Variants in ZBTB20 observed in about 807,000 individuals in gnomAD.
ZBTB20 encodes the protein zinc finger and BTB domain-containing protein 20.
A neutral mutation model predicts 56.9 loss-of-function variants in ZBTB20; 9 were observed. That is an observed-to-expected ratio of 0.16 (90% confidence interval 0.10 to 0.28). The LOEUF is 0.28. Among genes scored for constraint, ZBTB20 ranks in the 10% least tolerant of loss-of-function variants. The probability of loss-of-function intolerance (pLI) is 1.00; values close to 1 mark genes in which losing one functional copy is unlikely to be tolerated. For synonymous variants in ZBTB20, 417 were observed against 420.7 expected (o/e 0.99, Z 0.11); for missense variants, 655 against 1,003.0 (o/e 0.65, Z 4.69).
chr3:114,756,789 G>A (rs1047478936), intron 5 of ZBTB20, among the ~76,000 whole-genome samples: 4 of 152,054 alleles, frequency 2.6e-5, no homozygotes, highest in Non-Finnish European at 5.9e-5. Context: ...CTCTAATTGA[G>A]TATTAGACAT....
intron 4 of ZBTB20, among the ~76,000 whole-genome samples, chr3:114,889,303 C>T (rs1576237000): frequency 1.3e-5 from 2 of 151,828 alleles, no homozygotes; most frequent in East Asian, 3.9e-4. Flanking sequence ...TAGAAAACTG[C>T]AAATATCAAA....
intron 5 of ZBTB20, among the ~76,000 whole-genome samples, chr3:114,714,708 T>A (rs756765622): frequency 1.3e-5 from 2 of 152,208 alleles, no homozygotes; most frequent in Non-Finnish European, 2.9e-5. Flanking sequence ...CCTAAAAATA[T>A]CAACAACTGC....
rs147895898 is a variant in ZBTB20, at chr3:114,496,220, T to C, written c.-255+4132A>G. Among the ~76,000 whole-genome samples, 383 of 152,328 alleles carry C rather than the reference T, an allele frequency of 2.5e-3. 8 individuals carry two copies. Among genetic ancestry groups the C allele is most frequent in the Admixed American group, 0.021 (322 of 15,298 alleles). On this transcript the variant is annotated intron_variant, in intron 7 of 11. Transcript: ENST00000675478. The stretch of plus-strand genomic sequence containing the variant: ...TTTAGTACAGTGAATTCCTGAGCTC[T>C]GAAACATGGGGCCCGGCTGTGCATG...
intron 6 of ZBTB20, among the ~76,000 whole-genome samples, chr3:114,662,906 G>A (rs886117559): frequency 3.3e-5 from 5 of 151,860 alleles, no homozygotes; most frequent in Admixed American, 6.6e-5. Context: ...TTTAATCTAC[G>A]TCTGATTGGT....
At chr3:115,111,828 A>G (rs1247621772) in intron 1 of ZBTB20, among the ~76,000 whole-genome samples, 1 of 152,190 alleles carries the variant, frequency 6.6e-6, no homozygotes, top group African/African-American at 2.4e-5. Flanking sequence ...AAATGTTACC[A>G]TGACTAATCA....
At chr3:115,068,477 T>C (rs2082287535) in intron 2 of ZBTB20, among the ~76,000 whole-genome samples, 1 of 152,030 alleles carries the variant, frequency 6.6e-6, no homozygotes, top group African/African-American at 2.4e-5. Flanking sequence ...TTGAAATTGA[T>C]AGAATTTGTA....
At chr3:115,127,474 A>T (rs1451938505) in intron 1 of ZBTB20, among the ~76,000 whole-genome samples, 1 of 152,118 alleles carries the variant, frequency 6.6e-6, no homozygotes. Flanking sequence ...CCTATAATCC[A>T]TCCCAGCTAC....
At chr3:114,516,849 A>C (rs139921471) in intron 6 of ZBTB20, among the ~76,000 whole-genome samples, 3 of 152,320 alleles carry the variant, frequency 2.0e-5, no homozygotes, top group Non-Finnish European at 1.5e-5. Flanking sequence ...TCACAGCCTT[A>C]GAAGGAGCCG....
intron 4 of ZBTB20, among the ~76,000 whole-genome samples, chr3:114,898,345 A>C (rs2074971714): frequency 1.3e-5 from 2 of 152,128 alleles, no homozygotes; most frequent in African/African-American, 4.8e-5. Flanking sequence ...GACTTCTTGT[A>C]ATAAGTAAAA....
chr3:114,859,187 TCTTC>T (rs2075382330), intron 4 of ZBTB20, among the ~76,000 whole-genome samples: 1 of 151,948 alleles, frequency 6.6e-6, no homozygotes, highest in Non-Finnish European at 1.5e-5. Flanking sequence ...TGCCCACCTT[TCTTC>T]CTTCCTTCCT....
chr3:114,450,810 T>G (rs2091561344), intron 7 of ZBTB20, among the ~76,000 whole-genome samples: 1 of 152,128 alleles, frequency 6.6e-6, no homozygotes, highest in South Asian at 2.1e-4. Flanking sequence ...AGAAACCCAG[T>G]AATAACATCG....
At chr3:115,012,275 A>T (rs755925800) in intron 2 of ZBTB20, among the ~76,000 whole-genome samples, 2 of 151,824 alleles carry the variant, frequency 1.3e-5, no homozygotes, top group Non-Finnish European at 2.9e-5. Context: ...AAAGTGGATG[A>T]ATGAACAAAC....
chr3:114,874,959 A>G (rs115375643), intron 4 of ZBTB20, among the ~76,000 whole-genome samples: 3,565 of 152,224 alleles, frequency 0.023, 51 homozygotes, highest in South Asian at 0.051. Flanking sequence ...GGAGCTTTCT[A>G]TGTGTAAGCA....
At chr3:114,572,891 G>A (rs569362797) in intron 6 of ZBTB20, among the ~76,000 whole-genome samples, 155 of 152,186 alleles carry the variant, frequency 1.0e-3, no homozygotes, top group Middle Eastern at 3.4e-3. Context: ...CTTGAAATGA[G>A]TGCCTAATAA....
intron 6 of ZBTB20, among the ~76,000 whole-genome samples, chr3:114,661,255 GC>G (rs1399321931): frequency 6.6e-6 from 1 of 151,872 alleles, no homozygotes; most frequent in African/African-American, 2.4e-5. Flanking sequence ...CATAGTCTGG[GC>G]ACACAAAAAA....
At chr3:114,522,671 G>A (rs1260136867) in intron 6 of ZBTB20, among the ~76,000 whole-genome samples, 3 of 152,030 alleles carry the variant, frequency 2.0e-5, no homozygotes, top group Admixed American at 1.3e-4. Flanking sequence ...GATGAGGAGT[G>A]GTAAGATTCT....
At chr3:115,113,340 G>A (rs2083932201) in intron 1 of ZBTB20, among the ~76,000 whole-genome samples, 1 of 152,212 alleles carries the variant, frequency 6.6e-6, no homozygotes, top group Non-Finnish European at 1.5e-5. Flanking sequence ...TAATTGATGG[G>A]TGAATTCCTC....
chr3:114,731,949 G>C (rs2065796196), intron 5 of ZBTB20, among the ~76,000 whole-genome samples: 1 of 151,878 alleles, frequency 6.6e-6, no homozygotes, highest in Non-Finnish European at 1.5e-5. Flanking sequence ...TTACTAATCT[G>C]GCTGTGCCTA....
intron 6 of ZBTB20, among the ~76,000 whole-genome samples, chr3:114,682,371 C>G (rs886144276): frequency 6.6e-6 from 1 of 152,102 alleles, no homozygotes; most frequent in Non-Finnish European, 1.5e-5. Flanking sequence ...CTTTTGTATG[C>G]TTTCTATACT....
Sources: allele counts gnomAD v4.1 joint callset (sites outside exome capture counted in the v4.1 genomes callset), GRCh38; gene constraint gnomAD v4.1.1; transcripts MANE v1.5; gene names NCBI Gene and HGNC (gene_info 2026-07-23, HGNC 2026-07-21).